Variants in LSAMP observed in about 807,000 individuals in gnomAD.
LSAMP encodes the protein limbic system associated membrane protein, also known as limbic system-associated membrane protein.
Under a neutral mutation model 38.6 loss-of-function variants are expected in LSAMP, and 7 were observed. The ratio of observed to expected loss-of-function variants is 0.18; its 90% confidence interval spans 0.10 to 0.34. LSAMP has a LOEUF of 0.34. LSAMP is among the 10% of genes least tolerant of loss of function. The pLI is 1.00. For missense variants in LSAMP, 313 were observed against 420.0 expected (o/e 0.75, Z 2.23); for synonymous variants, 154 against 166.8 (o/e 0.92, Z 0.59).
intron 3 of LSAMP, among the ~76,000 whole-genome samples, chr3:115,999,391 C>T (rs1183785428): frequency 2.6e-5 from 4 of 152,180 alleles, no homozygotes; most frequent in African/African-American, 9.7e-5. Context: ...GTCAAATTCT[C>T]TTCTCCTCAA....
intron 3 of LSAMP, among the ~76,000 whole-genome samples, chr3:116,006,407 C>A (rs1419075415): frequency 6.6e-6 from 1 of 152,102 alleles, no homozygotes; most frequent in Non-Finnish European, 1.5e-5. Flanking sequence ...ATACATCCTG[C>A]AAATTAAATC....
intron 6 of LSAMP, among the ~76,000 whole-genome samples, chr3:115,835,160 T>A (rs1325843267): frequency 6.6e-6 from 1 of 152,232 alleles, no homozygotes; most frequent in Non-Finnish European, 1.5e-5. Context: ...ATCAAGGTAA[T>A]AAATTCTTAG....
chr3:116,254,127 G>GACC (rs1399795064), intron 1 of LSAMP, among the ~76,000 whole-genome samples: 2 of 152,014 alleles, frequency 1.3e-5, no homozygotes, highest in African/African-American at 4.8e-5. Context: ...TAAAGACAGG[G>GACC]ACCATCACTT....
At chr3:116,047,463 C>T (rs1277703464) in intron 2 of LSAMP, among the ~76,000 whole-genome samples, 4 of 151,802 alleles carry the variant, frequency 2.6e-5, no homozygotes, top group East Asian at 3.9e-4. Context: ...ATTCTGGACT[C>T]GACCAATTTT....
chr3:116,398,703 A>G (rs1362094010), intron 1 of LSAMP, among the ~76,000 whole-genome samples: 2 of 152,174 alleles, frequency 1.3e-5, no homozygotes, highest in Non-Finnish European at 2.9e-5. Flanking sequence ...TTAGAAAATA[A>G]GTGTCTTGAA....
intron 2 of LSAMP, among the ~76,000 whole-genome samples, chr3:116,084,084 C>T (rs1218899557): frequency 6.6e-6 from 1 of 152,104 alleles, no homozygotes; most frequent in East Asian, 1.9e-4. Context: ...CCTAAGCCTA[C>T]AGAAAGCCTT....
intron 2 of LSAMP, among the ~76,000 whole-genome samples, chr3:116,075,114 A>C (rs1034433298): frequency 6.7e-5 from 10 of 148,848 alleles, no homozygotes; most frequent in Non-Finnish European, 1.5e-4. Context: ...CTGGGATTAC[A>C]GGTATGAGTC....
At position 116,390,451 on chromosome 3, in the gene LSAMP, G is replaced by T. The variant is rs115785453; in HGVS notation, c.155+54426C>A. On this transcript the variant is annotated intron_variant, in intron 1 of 6. Transcript: ENST00000490035. ...ATCAAAAGACAGAGGTTAGTTAAGG[G>T]CATTCCAAAGAATAGTCAGGTATGA... Among the ~76,000 whole-genome samples the T allele has an allele frequency of 2.8e-3, 422 of 152,204 alleles. 1 individual carries two copies. The highest frequency in any genetic ancestry group is 9.7e-3 in the African/African-American group (401 of 41,504).
At chr3:115,991,003 A>T (rs1939650781) in intron 3 of LSAMP, among the ~76,000 whole-genome samples, 1 of 152,064 alleles carries the variant, frequency 6.6e-6, no homozygotes, top group Non-Finnish European at 1.5e-5. Context: ...TACTATAAAG[A>T]CATCTCAGCA....
intron 1 of LSAMP, among the ~76,000 whole-genome samples, chr3:116,207,805 T>G (rs1425115585): frequency 6.6e-6 from 1 of 152,188 alleles, no homozygotes; most frequent in African/African-American, 2.4e-5. Context: ...CCTTTGAGGG[T>G]AACCCGACCT....
chr3:116,209,823 C>G, intron 1 of LSAMP, among the ~76,000 whole-genome samples: 1 of 152,166 alleles, frequency 6.6e-6, no homozygotes, highest in East Asian at 1.9e-4. Flanking sequence ...ACGATCTCCG[C>G]TCACTGCAAC....
intron 1 of LSAMP, among the ~76,000 whole-genome samples, chr3:116,182,131 C>G (rs1710498557): frequency 6.6e-6 from 1 of 151,828 alleles, no homozygotes; most frequent in South Asian, 2.1e-4. Flanking sequence ...ATTAAAAGGA[C>G]TAGAAATCAT....
At chr3:116,400,591 G>A (rs1334661077) in intron 1 of LSAMP, among the ~76,000 whole-genome samples, 3 of 151,898 alleles carry the variant, frequency 2.0e-5, no homozygotes, top group Non-Finnish European at 2.9e-5. Flanking sequence ...TGATTCTCTT[G>A]TCTCAGCCCC....
At position 116,258,549 on chromosome 3, in the gene LSAMP, A is replaced by AT. The variant is rs556551406; in HGVS notation, c.156-171994dup. 4.9e-4 allele frequency among the ~76,000 whole-genome samples: 75 copies of AT among 152,228 alleles called. No homozygotes were observed. In the South Asian group the frequency reaches 0.015, roughly 30 times the overall value. ...TAACAGAATTCTAAAAGAAAATAAT[A>AT]TTTTAAAAAGATGATCCTTTATAAT... On this transcript the variant is annotated intron_variant, in intron 1 of 6. Transcript: ENST00000490035.
At chr3:115,858,511 G>A (rs1409993765) in intron 3 of LSAMP, among the ~76,000 whole-genome samples, 1 of 151,996 alleles carries the variant, frequency 6.6e-6, no homozygotes, top group African/African-American at 2.4e-5. Context: ...TTTTTTCACT[G>A]TTCTGAGAAG....
intron 1 of LSAMP, among the ~76,000 whole-genome samples, chr3:116,348,674 C>A (rs919059893): frequency 2.6e-5 from 4 of 152,116 alleles, no homozygotes; most frequent in Admixed American, 1.3e-4. Flanking sequence ...TAATTCCCAA[C>A]CACAGAATTA....
At chr3:116,155,473 C>T (rs1034723054) in intron 1 of LSAMP, among the ~76,000 whole-genome samples, 13 of 152,008 alleles carry the variant, frequency 8.6e-5, no homozygotes, top group Non-Finnish European at 1.9e-4. Context: ...GGTGATCCAC[C>T]CACCTCTGCC....
chr3:116,370,219 G>C (rs2048411673), intron 1 of LSAMP: 2 of 152,048 alleles, frequency 1.3e-5, no homozygotes, highest in South Asian at 4.2e-4. Context: ...AGATGTTTGA[G>C]GGAACATAAA....
chr3:116,059,259 G>A (rs1941548568), intron 2 of LSAMP, among the ~76,000 whole-genome samples: 2 of 152,098 alleles, frequency 1.3e-5, no homozygotes, highest in South Asian at 2.1e-4. Flanking sequence ...AGGATGTTTT[G>A]CATCTTGCAG....
Sources: gnomAD v4.1 joint callset for allele counts (sites outside exome capture counted in the v4.1 genomes callset) on GRCh38, gnomAD v4.1.1 for gene constraint, MANE v1.5 for transcripts, NCBI Gene and HGNC (gene_info 2026-07-23, HGNC 2026-07-21) for gene names.